KDM4B: variants seen among roughly 807,000 people sequenced by gnomAD.
KDM4B encodes lysine demethylase 4B, also known as lysine-specific demethylase 4B.
KDM4B carries 32 observed loss-of-function variants against 125.2 expected under a neutral mutation model. That is an observed-to-expected ratio of 0.26 (90% CI 0.19 to 0.34). The LOEUF is 0.34. Among genes scored for constraint, KDM4B ranks in the 10% least tolerant of loss-of-function variants. The pLI is 1.00. For missense variants in KDM4B, 1,190 were observed against 1,577.7 expected (o/e 0.75, Z 4.16); for synonymous variants, 721 against 677.9 (o/e 1.06, Z -0.99).
chr19:5,032,134 C>T lies in KDM4B; in HGVS notation c.-25-732C>T, dbSNP rs74447073. Among the ~76,000 whole-genome samples, 1,014 of 152,288 alleles carry T rather than the reference C, an allele frequency of 6.7e-3. 11 individuals are homozygous for T. The highest frequency in any genetic ancestry group is 0.023 in the African/African-American group (950 of 41,556). On this transcript the variant is annotated intron_variant, in intron 2 of 22. Transcript: ENST00000159111. Reference sequence around the variant, plus strand: ...TGCAACACCTGGGACAGGAGGGAGCCGCTCCCGCCCGCAGCCTCCGTGGAG... The same window carrying T: ...TGCAACACCTGGGACAGGAGGGAGCTGCTCCCGCCCGCAGCCTCCGTGGAG...
At chr19:5,127,947 C>A (rs2039476726) in intron 11 of KDM4B, among the ~76,000 whole-genome samples, 1 of 97,380 alleles carries the variant, frequency 1.0e-5, no homozygotes, top group Non-Finnish European at 2.1e-5. Context: ...TGAGCAGGCA[C>A]CTGTGGTCTC....
intron 5 of KDM4B, among the ~76,000 whole-genome samples, chr19:5,046,307 C>T (rs2602728): frequency 0.33 from 49,821 of 152,118 alleles, 8,438 homozygotes; most frequent in Non-Finnish European, 0.36. Context: ...AGCAGAGAAG[C>T]GACTTGCTGT....
At chr19:5,009,391 G>C (rs1385260621) in intron 1 of KDM4B, among the ~76,000 whole-genome samples, 2 of 152,196 alleles carry the variant, frequency 1.3e-5, no homozygotes, top group Non-Finnish European at 2.9e-5. Flanking sequence ...TCTGCAACTT[G>C]AATTCAGCAG....
At chr19:5,120,970 C>T (rs1381114809) in intron 11 of KDM4B, among the ~76,000 whole-genome samples, 1 of 152,218 alleles carries the variant, frequency 6.6e-6, no homozygotes, top group Non-Finnish European at 1.5e-5. Context: ...GGTGTCAGGT[C>T]TCCAGGACGC....
At chr19:5,015,039 G>T (rs2035850989) in intron 1 of KDM4B, among the ~76,000 whole-genome samples, 1 of 151,930 alleles carries the variant, frequency 6.6e-6, no homozygotes, top group South Asian at 2.1e-4. Flanking sequence ...CCCAGGGGGC[G>T]AGCTCCTCTG....
intron 6 of KDM4B, among the ~76,000 whole-genome samples, chr19:5,064,279 G>A (rs906832439): frequency 1.3e-5 from 2 of 152,210 alleles, no homozygotes; most frequent in Non-Finnish European, 2.9e-5. Context: ...TGACGTGCAC[G>A]GGCTCTGCCT....
At chr19:5,129,524 T>C (rs549619162) in intron 11 of KDM4B, among the ~76,000 whole-genome samples, 1 of 152,222 alleles carries the variant, frequency 6.6e-6, no homozygotes, top group Non-Finnish European at 1.5e-5. Flanking sequence ...GTCAACAGTT[T>C]AGTGTGCAGA....
chr19:5,008,480 C>T (rs2035628162), intron 1 of KDM4B, among the ~76,000 whole-genome samples: 1 of 151,794 alleles, frequency 6.6e-6, no homozygotes, highest in African/African-American at 2.4e-5. Flanking sequence ...TAATATGGTT[C>T]TTACATTAAC....
chr19:5,014,877 C>G (rs1449874396), intron 1 of KDM4B, among the ~76,000 whole-genome samples: 1 of 151,940 alleles, frequency 6.6e-6, no homozygotes, highest in Non-Finnish European at 1.5e-5. Context: ...CGCCTGTAGT[C>G]CCAGCTATTC....
chr19:5,029,621 G>A (rs949566732), intron 2 of KDM4B, among the ~76,000 whole-genome samples: 5 of 152,210 alleles, frequency 3.3e-5, no homozygotes, highest in Admixed American at 6.5e-5. Context: ...CAGGCCAGGC[G>A]TTTATTAGCA....
At chr19:5,128,879 A>ACAGCGGGGGGCCCGGATAC (rs2039495791) in intron 11 of KDM4B, among the ~76,000 whole-genome samples, 2 of 136,934 alleles carry the variant, frequency 1.5e-5, no homozygotes, top group African/African-American at 5.3e-5. Context: ...GGGTCATATA[A>ACAGCGGGGGGCCCGGATAC]CAGCGGGGGG....
chr19:4,974,169 G>A (rs944058283), intron 1 of KDM4B, among the ~76,000 whole-genome samples: 3 of 151,528 alleles, frequency 2.0e-5, no homozygotes, highest in African/African-American at 4.9e-5. Context: ...GAGCCAAGGC[G>A]GGCAGATCAC....
chr19:5,104,154 G>A (rs1474057034), intron 9 of KDM4B, among the ~76,000 whole-genome samples: 2 of 152,180 alleles, frequency 1.3e-5, no homozygotes, highest in African/African-American at 4.8e-5. Context: ...CCGAGAAGCA[G>A]AGGAGCTCGC....
chr19:5,072,597 C>T (rs1208035985), intron 7 of KDM4B, among the ~76,000 whole-genome samples: 1 of 152,212 alleles, frequency 6.6e-6, no homozygotes, highest in Non-Finnish European at 1.5e-5. Flanking sequence ...GCATTTCTCC[C>T]ATTGTATGTT....
chr19:5,042,681 AGGGGGGG>A (rs372964471), intron 5 of KDM4B, among the ~76,000 whole-genome samples: 1 of 145,150 alleles, frequency 6.9e-6, no homozygotes, highest in Admixed American at 6.9e-5. Context: ...GGAGAGAGTG[AGGGGGGG>A]GGCGCCGTAG....
In KDM4B at chr19:5,005,261, C is replaced by T. The variant is rs545555026; in HGVS notation, c.-108-10996C>T. Among the ~76,000 whole-genome samples, 210 of 152,272 alleles carry T rather than the reference C, an allele frequency of 1.4e-3. 1 individual carries two copies. The highest frequency in any genetic ancestry group is 2.1e-3 in the Non-Finnish European group (146 of 68,008). On this transcript the variant is annotated intron_variant, in intron 1 of 22. Coordinates refer to ENST00000159111, the MANE Select transcript of KDM4B (RefSeq NM_015015.3). ...CACAAGTATGGAGAACACAGATGCC[C>T]GGGGCAGCTGGCAAGAAGGGGCAGG...
At chr19:4,975,581 T>C (rs1410861950) in intron 1 of KDM4B, among the ~76,000 whole-genome samples, 1 of 150,116 alleles carries the variant, frequency 6.7e-6, no homozygotes, top group Non-Finnish European at 1.5e-5. Context: ...ACATTCCTTG[T>C]TGAGTGAATG....
intron 7 of KDM4B, among the ~76,000 whole-genome samples, chr19:5,073,904 C>T (rs2038022529): frequency 6.6e-6 from 1 of 152,166 alleles, no homozygotes; most frequent in Non-Finnish European, 1.5e-5. Flanking sequence ...ATTGCTTGAG[C>T]CCAGGAGTTC....
intron 6 of KDM4B, among the ~76,000 whole-genome samples, chr19:5,049,846 T>A (rs1422360378): frequency 1.3e-5 from 2 of 152,156 alleles, no homozygotes; most frequent in Admixed American, 1.3e-4. Context: ...CGGAGCCTCT[T>A]GGATCCTCAC....
Sources: allele counts gnomAD v4.1 joint callset (sites outside exome capture counted in the v4.1 genomes callset), GRCh38; gene constraint gnomAD v4.1.1; transcripts MANE v1.5; gene names NCBI Gene and HGNC (gene_info 2026-07-23, HGNC 2026-07-21).